Variants in AGFG1 observed in about 807,000 individuals in gnomAD.
AGFG1 encodes arf-GAP domain and FG repeat-containing protein 1.
In AGFG1, 10 loss-of-function variants were observed where a neutral mutation model predicts 60.6. The ratio of observed to expected loss-of-function variants is 0.16; its 90% CI spans 0.10 to 0.28. The LOEUF (loss-of-function observed/expected upper bound fraction) is 0.28, where lower values mean the gene tolerates loss of function less well. AGFG1 is among the 10% of genes least tolerant of loss of function. The probability of loss-of-function intolerance (pLI) is 1.00; values close to 1 mark genes in which losing one functional copy is unlikely to be tolerated. For synonymous variants in AGFG1, 247 were observed against 242.9 expected, an observed-to-expected ratio of 1.02 and a Z score of -0.16; for missense variants, 537 against 676.5, an observed-to-expected ratio of 0.79 and a Z score of 2.29.
At chr2:227,480,376 T>G (rs1456817815) in intron 1 of AGFG1, among the ~76,000 whole-genome samples, 1 of 151,948 alleles carries the variant, frequency 6.6e-6, no homozygotes, top group East Asian at 1.9e-4. Flanking sequence ...TTCCAAAAAT[T>G]CTTGTCTTTC....
Position 227,530,009 on chromosome 2 carries a change from G to A in AGFG1, c.695-1082G>A, listed in dbSNP as rs182328632. ...CAGATGAAACAAAGCATATCTGTCA[G>A]ATGAATTTGCTGAGGGCTGCTAGTT... is the stretch of plus-strand genomic sequence containing the variant. On this transcript the variant is annotated intron_variant, in intron 5 of 12. Transcript: ENST00000310078. 5.2e-4 allele frequency among the ~76,000 whole-genome samples: 79 copies of A among 152,182 alleles called. 1 individual carries two copies. The East Asian group carries it at 0.015, about 29-fold the overall frequency.
At chr2:227,489,330 A>T (rs938069810) in intron 1 of AGFG1, among the ~76,000 whole-genome samples, 1 of 146,372 alleles carries the variant, frequency 6.8e-6, no homozygotes, top group African/African-American at 2.6e-5. Context: ...TCCTGGGGTC[A>T]AGCGATTCTC....
At chr2:227,506,458 G>T (rs1227522370) in intron 2 of AGFG1, among the ~76,000 whole-genome samples, 1 of 150,936 alleles carries the variant, frequency 6.6e-6, no homozygotes, top group Non-Finnish European at 1.5e-5. Flanking sequence ...TGCTATGGCT[G>T]TGGTGAACCT....
intron 2 of AGFG1, among the ~76,000 whole-genome samples, chr2:227,496,653 A>G (rs959625227): frequency 1.2e-4 from 18 of 152,250 alleles, no homozygotes; most frequent in South Asian, 6.2e-4. Flanking sequence ...CTTAATTTCT[A>G]TTGGTAGTAA....
intron 2 of AGFG1, among the ~76,000 whole-genome samples, chr2:227,519,684 G>A (rs185760765): frequency 6.6e-6 from 1 of 152,244 alleles, no homozygotes; most frequent in Non-Finnish European, 1.5e-5. Context: ...TTATGATTAT[G>A]CCAAGACTGA....
chr2:227,485,714 G>A (rs562163685), intron 1 of AGFG1, among the ~76,000 whole-genome samples: 36 of 151,934 alleles, frequency 2.4e-4, no homozygotes, highest in African/African-American at 8.2e-4. Context: ...ACCTGATTTG[G>A]TGAATTTTTA....
At chr2:227,553,669 G>T (rs1692889252) in intron 11 of AGFG1, 35 bp from the exon 12 acceptor site, 1 of 1,522,986 alleles carries the variant, frequency 6.6e-7, no homozygotes, top group Admixed American at 1.7e-5. Flanking sequence ...TCTCTTGAAG[G>T]TATGGGTTAT....
chr2:227,497,020 C>T (rs999615919), intron 2 of AGFG1, among the ~76,000 whole-genome samples: 7 of 152,020 alleles, frequency 4.6e-5, no homozygotes, highest in African/African-American at 1.7e-4. Context: ...AAGTTATATA[C>T]TCATTAATTC....
intron 5 of AGFG1, among the ~76,000 whole-genome samples, chr2:227,526,574 A>T (rs1451268544): frequency 3.1e-4 from 34 of 109,208 alleles, no homozygotes; most frequent in African/African-American, 1.1e-3. Flanking sequence ...ATGGAGTCTC[A>T]CTCCCTTGTT....
At position 227,559,099 on chromosome 2, in the gene AGFG1, A is replaced by G. The variant is rs1693060699; in HGVS notation, c.*4604A>G. 1 of 152,182 alleles carries G rather than the reference A, an allele frequency of 6.6e-6. No individual in the cohort carries two copies. The highest frequency in any genetic ancestry group is 2.1e-4 in the South Asian group (1 of 4,840). The allele number at this position is 152,182 out of a possible 1,614,324, so 9.4% of individuals were successfully genotyped here. On this transcript the variant is annotated 3_prime_UTR_variant, in exon 13 of 13. Transcript: ENST00000310078. ...GTGAACCTTGGTTTTAAAAAGTCCA[A>G]TTATTGTGCTCTTATAGGGGTTGCA...
At chr2:227,519,632 A>G (rs1334288101) in intron 2 of AGFG1, among the ~76,000 whole-genome samples, 1 of 152,168 alleles carries the variant, frequency 6.6e-6, no homozygotes, top group African/African-American at 2.4e-5. Flanking sequence ...TTTGTTTTGT[A>G]AGGGAACTGA....
rs779264626 is a variant in AGFG1, at chr2:227,551,965, C to T, written c.1385C>T (p.Thr462Ile). 6.2e-7 allele frequency: 1 copy of T among 1,613,938 alleles called. No homozygotes were observed. Among genetic ancestry groups the T allele is most frequent in the Non-Finnish European group, 8.5e-7 (1 of 1,179,898 alleles). The part of the protein sequence containing the change: ...QTNARGATAA[T>I]FGTASMSMPT... Reference sequence around the variant, plus strand: ...AGCCCTTCTCTTCTGTCAGCGGCAACCTTTGGCACTGCATCCATGAGCATG... The same window carrying T: ...AGCCCTTCTCTTCTGTCAGCGGCAATCTTTGGCACTGCATCCATGAGCATG... The change falls in exon 11 of 13, where the codon ACC becomes ATC. Residue 462 changes from threonine (T) to isoleucine (I), a missense_variant. Physicochemically the swap from Thr to Ile is moderately conservative, Grantham distance 89 (BLOSUM62 -1). This residue lies in a region of AGFG1 where 287 missense variants were observed against 343.6 expected (regional missense o/e 0.84). Transcript: ENST00000310078.
chr2:227,530,645 T>A (rs1182952941), intron 5 of AGFG1, among the ~76,000 whole-genome samples: 1 of 151,866 alleles, frequency 6.6e-6, no homozygotes, highest in Non-Finnish European at 1.5e-5. Context: ...AATTAAACCA[T>A]TTTTGTATTA....
At chr2:227,552,230 C>T in intron 11 of AGFG1, 113 bp downstream of exon 11, 1 of 1,241,026 alleles carries the variant, frequency 8.1e-7, no homozygotes. Flanking sequence ...GTATTATCTA[C>T]TGAGTGTTTA....
rs1477780450 is a variant in AGFG1 at position 227,557,147 on chromosome 2, T to C, written c.*2652T>C. On this transcript the variant is annotated 3_prime_UTR_variant, in exon 13 of 13. Coordinates refer to ENST00000310078, the MANE Select transcript of AGFG1 (RefSeq NM_004504.5). ...ACCTTCAAATTTCCTGGCTTACTGG[T>C]TTAGTCACATCATTTTTCCTGTTCA... is the stretch of plus-strand genomic sequence containing the variant. The C allele has an allele frequency of 6.6e-6, 1 of 152,114 alleles. No homozygotes were observed. The highest frequency in any genetic ancestry group is 1.9e-4 in the East Asian group (1 of 5,196). The allele number at this position is 152,114 out of a possible 1,614,324, so 9.4% of individuals were successfully genotyped here. A position where few individuals can be genotyped will look rare whatever the true frequency, so the allele number is the denominator to read the frequency against.
chr2:227,552,078 G>A lies in AGFG1; in HGVS notation c.1498G>A (p.Ala500Thr), dbSNP rs918992744. 1.2e-6 allele frequency: 2 copies of A among 1,614,042 alleles called. No individual in the cohort carries two copies. Among genetic ancestry groups the A allele is most frequent in the Non-Finnish European group, 1.7e-6 (2 of 1,180,040 alleles). The stretch of plus-strand genomic sequence containing the variant: ...GCAGCCTGCCTTTCCAGCCCAAGCA[G>A]CTTTCCCTCAACAGACAGCTTTTTC... ...FQQPAFPAQA[A>T]FPQQTAFSQQ... is the part of the protein sequence containing the mutation. Residue 500 changes from alanine (A) to threonine (T), a missense_variant, in exon 11 of 13, where the codon GCT becomes ACT. By Grantham distance (58) the Ala-to-Thr change is moderately conservative. This residue lies in a region of AGFG1 where 287 missense variants were observed against 343.6 expected (regional missense o/e 0.84). Transcript: ENST00000310078.
At chr2:227,532,265 T>TTC (rs774277017) in intron 6 of AGFG1, 26 of 1,329,326 alleles carry the variant, frequency 2.0e-5, no homozygotes, top group African/African-American at 3.0e-5. Context: ...TTTGCTATAC[T>TTC]TCAAGGGTTT....
chr2:227,549,478 CTTCTT>C (rs1559201669), intron 10 of AGFG1, among the ~76,000 whole-genome samples: 2 of 152,112 alleles, frequency 1.3e-5, no homozygotes, highest in African/African-American at 4.8e-5. Flanking sequence ...TTTTTTCTCT[CTTCTT>C]TTCAGCCATT....
At position 227,531,219 on chromosome 2, in the gene AGFG1, T is replaced by G. The variant is rs1215622178; in HGVS notation, c.814+9T>G. 6.2e-7 allele frequency: 1 copy of G among 1,609,966 alleles called. No homozygotes were observed. Among genetic ancestry groups the G allele is most frequent in the African/African-American group, 1.3e-5 (1 of 74,692 alleles). Reference sequence around the variant, plus strand: ...TCAGCCCCAAACTACAGGTAGAGCTTCTCCAGCATTGTGCTTAAATGTTTA... The same window carrying G: ...TCAGCCCCAAACTACAGGTAGAGCTGCTCCAGCATTGTGCTTAAATGTTTA... On this transcript the variant is annotated intron_variant, in intron 6 of 12. Transcript: ENST00000310078.
Sources: gnomAD v4.1 joint callset for allele counts (sites outside exome capture counted in the v4.1 genomes callset) on GRCh38, gnomAD v4.1.1 for gene constraint, gnomAD v4.1.1 regional missense constraint, MANE v1.5 for transcripts, NCBI Gene and HGNC (gene_info 2026-07-23, HGNC 2026-07-21) for gene names.